Variants in CDH20 observed in about 807,000 individuals in gnomAD.
CDH20 encodes cadherin-20.
A neutral mutation model predicts 74.2 loss-of-function variants in CDH20; 29 were observed. The observed-to-expected ratio is 0.39, with a 90% CI of 0.29 to 0.53. The LOEUF is 0.53. CDH20 is among the 20% of genes least tolerant of loss of function. The pLI, the probability that CDH20 is intolerant of heterozygous loss-of-function variation, is 0.69. For missense variants in CDH20, 988 were observed against 1,048.3 expected (o/e 0.94, Z 0.79); for synonymous variants, 469 against 405.4 (o/e 1.16, Z -1.88).
chr18:61,429,880 A>C (rs1241661795), intron 1 of CDH20, among the ~76,000 whole-genome samples: 1 of 152,184 alleles, frequency 6.6e-6, no homozygotes, highest in Non-Finnish European at 1.5e-5. Context: ...TCAACAAACT[A>C]TGTTCCTTTG....
intron 1 of CDH20, among the ~76,000 whole-genome samples, chr18:61,464,620 C>T (rs1909900881): frequency 6.6e-6 from 1 of 152,186 alleles, no homozygotes; most frequent in Non-Finnish European, 1.5e-5. Context: ...GCTGCAGGAG[C>T]TGACAGTTCC....
chr18:61,450,100 A>C (rs1909331281), intron 1 of CDH20, among the ~76,000 whole-genome samples: 1 of 152,062 alleles, frequency 6.6e-6, no homozygotes, highest in Non-Finnish European at 1.5e-5. Context: ...GTATGTAGTA[A>C]GAATAACCAA....
intron 9 of CDH20, among the ~76,000 whole-genome samples, chr18:61,542,086 T>C (rs1280345796): frequency 6.6e-6 from 1 of 152,204 alleles, no homozygotes; most frequent in African/African-American, 2.4e-5. Flanking sequence ...CTGAAACGAC[T>C]TTCCCAACTA....
At chr18:61,398,573 A>G (rs1912061782) in intron 1 of CDH20, among the ~76,000 whole-genome samples, 1 of 152,228 alleles carries the variant, frequency 6.6e-6, no homozygotes, top group South Asian at 2.1e-4. Flanking sequence ...AGGAAAATGT[A>G]AGATATTTAA....
Position 61,490,592 on chromosome 18 carries a change from G to C in CDH20, c.39G>C (p.Trp13Cys). 1 of 1,614,140 alleles carries C rather than the reference G, an allele frequency of 6.2e-7. No individual in the cohort carries two copies. Among genetic ancestry groups the C allele is most frequent in the Non-Finnish European group, 8.5e-7 (1 of 1,180,022 alleles). ...GTAGAATGAGCAATGCAAAGAACTG[G>C]CTTGGACTTGGCATGTCCTTGTACT... ...TSGRMSNAKN[W>C]LGLGMSLYFW... is the part of the protein sequence containing the mutation. The change falls in exon 2 of 12, where the codon TGG becomes TGC. Residue 13 changes from tryptophan to cysteine, a missense_variant. Around this residue, in one of 2 missense-constraint regions of CDH20, gnomAD observed 613 missense variants for 755.2 expected, o/e 0.81. Transcript: ENST00000262717.
At chr18:61,381,738 C>T (rs1911438754) in intron 1 of CDH20, among the ~76,000 whole-genome samples, 1 of 152,198 alleles carries the variant, frequency 6.6e-6, no homozygotes. Context: ...TGTAGAATCT[C>T]TAAGAGCTGC....
chr18:61,368,416 G>T (rs572400308), intron 1 of CDH20, among the ~76,000 whole-genome samples: 2 of 129,322 alleles, frequency 1.5e-5, no homozygotes, highest in African/African-American at 2.9e-5. Flanking sequence ...AAAGGAGACT[G>T]TTGGAAGGAC....
chr18:61,517,779 T>G (rs2050011468), intron 6 of CDH20, among the ~76,000 whole-genome samples: 1 of 152,000 alleles, frequency 6.6e-6, no homozygotes, highest in Admixed American at 6.6e-5. Context: ...AACCATTCAC[T>G]CCCCTGGAAA....
chr18:61,458,987 T>C (rs1363487113), intron 1 of CDH20, among the ~76,000 whole-genome samples: 1 of 152,226 alleles, frequency 6.6e-6, no homozygotes, highest in Non-Finnish European at 1.5e-5. Context: ...GCTTTACAAC[T>C]TTAAGTGTGT....
At chr18:61,416,137 T>G (rs547292965) in intron 1 of CDH20, among the ~76,000 whole-genome samples, 2 of 152,324 alleles carry the variant, frequency 1.3e-5, no homozygotes, top group African/African-American at 4.8e-5. Flanking sequence ...CTGCAAGATT[T>G]AATTTTTTTC....
intron 9 of CDH20, among the ~76,000 whole-genome samples, chr18:61,544,085 A>C (rs1913139146): frequency 6.6e-6 from 1 of 152,244 alleles, no homozygotes; most frequent in Non-Finnish European, 1.5e-5. Context: ...CCAACCCTAA[A>C]GCAAAATTAA....
At chr18:61,343,060 T>C (rs1217579333) in intron 1 of CDH20, among the ~76,000 whole-genome samples, 2 of 152,204 alleles carry the variant, frequency 1.3e-5, no homozygotes, top group African/African-American at 4.8e-5. Flanking sequence ...GATGGTCTAT[T>C]AGACTCCAAG....
chr18:61,431,433 A>C (rs1272002716), intron 1 of CDH20, among the ~76,000 whole-genome samples: 1 of 152,218 alleles, frequency 6.6e-6, no homozygotes, highest in East Asian at 1.9e-4. Flanking sequence ...ATACTGATTC[A>C]TTAACTAATT....
intron 1 of CDH20, among the ~76,000 whole-genome samples, chr18:61,436,222 C>T (rs1908830350): frequency 6.6e-6 from 1 of 152,086 alleles, no homozygotes; most frequent in Non-Finnish European, 1.5e-5. Flanking sequence ...AATAGCACTG[C>T]CATAAACATT....
intron 4 of CDH20, among the ~76,000 whole-genome samples, chr18:61,502,301 A>G (rs1032758277): frequency 2.6e-5 from 4 of 152,106 alleles, no homozygotes; most frequent in Non-Finnish European, 5.9e-5. Flanking sequence ...GGAAATTCAT[A>G]TCTTATGCAT....
chr18:61,438,315 G>A (rs992865608), intron 1 of CDH20, among the ~76,000 whole-genome samples: 1 of 151,992 alleles, frequency 6.6e-6, no homozygotes, highest in Non-Finnish European at 1.5e-5. Flanking sequence ...GTGGTGACAG[G>A]AAAAAGAGAG....
At chr18:61,540,455 C>T (rs1339054740) in intron 9 of CDH20, among the ~76,000 whole-genome samples, 1 of 152,114 alleles carries the variant, frequency 6.6e-6, no homozygotes, top group Non-Finnish European at 1.5e-5. Context: ...GGGGAGGCCT[C>T]ACAATCACGG....
rs1306253968 is a variant in CDH20 at position 61,418,941 on chromosome 18, T to G, written c.-152-71461T>G. Reference sequence around the variant, plus strand: ...TACATATATATTATCTGCAACATGCTTTTATTTGAATTTGATAAATCTTGC... The same window carrying G: ...TACATATATATTATCTGCAACATGCGTTTATTTGAATTTGATAAATCTTGC... On this transcript the variant is annotated intron_variant, in intron 1 of 11. Coordinates refer to ENST00000262717, the MANE Select transcript of CDH20 (RefSeq NM_031891.4). 1.2e-4 allele frequency among the ~76,000 whole-genome samples: 19 copies of G among 152,220 alleles called. 1 individual carries two copies. The highest frequency in any genetic ancestry group is 1.2e-3 in the Admixed American group (19 of 15,278).
intron 1 of CDH20, among the ~76,000 whole-genome samples, chr18:61,347,319 TACACACACACACACACAC>T (rs33985303): frequency 1.3e-5 from 1 of 77,394 alleles, no homozygotes; most frequent in African/African-American, 5.8e-5. Flanking sequence ...TATATATATA[TACACACACACACACACAC>T]ACACACACAC....
Sources: allele counts gnomAD v4.1 joint callset (sites outside exome capture counted in the v4.1 genomes callset), GRCh38; gene constraint gnomAD v4.1.1; regional missense constraint gnomAD v4.1.1; transcripts MANE v1.5; gene names NCBI Gene and HGNC (gene_info 2026-07-23, HGNC 2026-07-21).